The following RNF166 variants were observed in gnomAD, a reference collection of about 807,000 sequenced individuals.
RNF166 encodes E3 ubiquitin-protein ligase RNF166.
A neutral mutation model predicts 29.4 loss-of-function variants in RNF166; 19 were observed. The observed-to-expected ratio is 0.65, with a 90% CI of 0.45 to 0.95. The LOEUF (loss-of-function observed/expected upper bound fraction) is 0.95. Among genes scored for constraint, RNF166 ranks in the 40% least tolerant of loss-of-function variants. The pLI is 0.00. For missense variants in RNF166, 347 were observed against 322.1 expected (o/e 1.08, Z -0.59); for synonymous variants, 171 against 134.5 (o/e 1.27, Z -1.88).
rs13556 is a variant in RNF166 at position 88,696,743 on chromosome 16, G to A, written c.*825C>T. 0.25 allele frequency: 98,883 copies of A among 393,998 alleles called. 13,707 individuals are homozygous for A. The highest frequency in any genetic ancestry group is 0.31 in the Non-Finnish European group (62,363 of 201,540). The allele number at this position is 393,998 out of a possible 1,614,324, so 24.4% of individuals were successfully genotyped here. Reference sequence around the variant, plus strand: ...AGGAGGCCCCTTCTCTGCCGGCCCCGCCTCTGCTGGGAGCAGCCACAGCCT... The same window carrying A: ...AGGAGGCCCCTTCTCTGCCGGCCCCACCTCTGCTGGGAGCAGCCACAGCCT... On this transcript the variant is annotated 3_prime_UTR_variant, in exon 6 of 6. Coordinates refer to ENST00000312838, the MANE Select transcript of RNF166 (RefSeq NM_178841.4).
chr16:88,702,957 C>G (rs762512613), intron 1 of RNF166: 3 of 985,472 alleles, frequency 3.0e-6, no homozygotes, highest in South Asian at 4.7e-5. Context: ...GCAGGAGAAG[C>G]GGAAGCAGCT....
rs1356746703 is a variant in RNF166 at position 88,699,010 on chromosome 16, C to T, written c.501G>A (p.Lys167=). The T allele has an allele frequency of 4.4e-6, 7 of 1,608,348 alleles. No homozygotes were observed. Among genetic ancestry groups the T allele is most frequent in the South Asian group, 1.1e-5 (1 of 89,990 alleles). ...ARNLDQQELV[K]HCVESHRSDP... ...CGCTGCGGTGGCTTTCCACACAGTG[C>T]TTCACCAGCTCCTGCTGGTCCAGGT... Residue 167 remains lysine, a synonymous_variant, in exon 4 of 6, where the codon AAG becomes AAA. Transcript: ENST00000312838.
intron 1 of RNF166, chr16:88,702,848 CG>C (rs568631217): frequency 3.0e-6 from 3 of 985,398 alleles, no homozygotes; most frequent in Non-Finnish European, 2.4e-6. Flanking sequence ...GGATTTGAGC[CG>C]GGGGGGCCGC....
At chr16:88,701,649 G>A (rs905753970) in intron 1 of RNF166, 1 of 489,582 alleles carries the variant, frequency 2.0e-6, no homozygotes, top group African/African-American at 2.0e-5. Context: ...AGGCCCCTGT[G>A]GTTTCTGGCT....
chr16:88,699,651 G>A lies in RNF166; in HGVS notation c.394C>T (p.Pro132Ser). 6.2e-7 allele frequency: 1 copy of A among 1,613,446 alleles called. No homozygotes were observed. The highest frequency in any genetic ancestry group is 8.5e-7 in the Non-Finnish European group (1 of 1,179,844). Residue 132 changes from proline to serine, a missense_variant, in exon 3 of 6, where the codon CCC becomes TCC. Transcript: ENST00000312838. ...ATAGGCTGTGATGTGGGCACCACGG[G>A]GACGAACTTGGGGCAGTTGGCCATC... is the stretch of plus-strand genomic sequence containing the variant. ...EQMANCPKFV[P>S]VVPTSQPIPS... is the part of the protein sequence containing the mutation.
chr16:88,706,328 CG>C lies in RNF166; in HGVS notation c.-4del, dbSNP rs1425204030. The C allele has an allele frequency of 1.6e-6, 2 of 1,221,224 alleles. No individual in the cohort carries two copies. Among genetic ancestry groups the C allele is most frequent in the Non-Finnish European group, 1.0e-6 (1 of 980,848 alleles). The allele number at this position is 1,221,224 out of a possible 1,614,324, so 75.6% of individuals were successfully genotyped here. Reference sequence around the variant, plus strand: ...ACCAGGCTGCGGAACATAGCCATCCCGGGGCCAGGCCCGCGCCGCCCGCCGC... The same window carrying C: ...ACCAGGCTGCGGAACATAGCCATCCCGGGCCAGGCCCGCGCCGCCCGCCGC... On this transcript the variant is annotated 5_prime_UTR_variant, in exon 1 of 6. Transcript: ENST00000312838.
intron 1 of RNF166, 106 bp from the exon 2 acceptor site, chr16:88,701,524 G>A (rs1910230351): frequency 6.3e-6 from 7 of 1,110,954 alleles, no homozygotes. Context: ...GGTCCACAGG[G>A]GCAGCTCCCC....
intron 1 of RNF166, chr16:88,703,881 A>G (rs1447309298): frequency 1.0e-6 from 1 of 985,460 alleles, no homozygotes; most frequent in Non-Finnish European, 1.2e-6. Context: ...CAGCACCCTC[A>G]GCAAGCCCCA....
At chr16:88,699,553 G>T in intron 3 of RNF166, 67 bp downstream of exon 3, 2 of 1,307,554 alleles carry the variant, frequency 1.5e-6, no homozygotes, top group African/African-American at 1.5e-5. Context: ...ATGGGGCACT[G>T]CGCTTGCTCC....
Position 88,701,193 on chromosome 16 carries a change from G to A in RNF166, c.312+69C>T, listed in dbSNP as rs371770270. 329 of 1,585,606 alleles carry A rather than the reference G, an allele frequency of 2.1e-4. 1 individual carries two copies. In the African/African-American group the frequency reaches 2.5e-3, roughly 12 times the overall value. On this transcript the variant is annotated intron_variant, in intron 2 of 5. Coordinates refer to ENST00000312838, the MANE Select transcript of RNF166 (RefSeq NM_178841.4). ...GAGAGGGCCCCGGCCCCCACCCTCTGCAGAACCCGTGGGCTGAGGCTGCCC... is the reference window on the plus strand; with the variant it reads ...GAGAGGGCCCCGGCCCCCACCCTCTACAGAACCCGTGGGCTGAGGCTGCCC...
chr16:88,699,859 G>A, intron 2 of RNF166, 127 bp from the exon 3 acceptor site: 2 of 624,918 alleles, frequency 3.2e-6, no homozygotes, highest in South Asian at 2.1e-5. Flanking sequence ...CAGCAGCAGG[G>A]GGACCCGGTC....
At chr16:88,702,093 G>A (rs924998491) in intron 1 of RNF166, among the ~76,000 whole-genome samples, 8 of 151,924 alleles carry the variant, frequency 5.3e-5, no homozygotes, top group African/African-American at 1.2e-4. Context: ...CAGACTGAGC[G>A]TCCCACAGCC....
intron 1 of RNF166, chr16:88,703,034 C>T (rs777426512): frequency 6.6e-5 from 65 of 985,286 alleles, no homozygotes; most frequent in Non-Finnish European, 7.3e-5. Flanking sequence ...GGGCGTTCGG[C>T]CGGGAAGAGG....
At chr16:88,705,275 T>C (rs1189374928) in intron 1 of RNF166, among the ~76,000 whole-genome samples, 2 of 152,226 alleles carry the variant, frequency 1.3e-5, no homozygotes, top group Admixed American at 1.3e-4. Context: ...CAAAATGTTC[T>C]AGAGCCTCCT....
At position 88,699,666 on chromosome 16, in the gene RNF166, A is replaced by C. The variant is rs1446036966; in HGVS notation, c.379T>G (p.Cys127Gly). 1 of 1,613,548 alleles carries C rather than the reference A, an allele frequency of 6.2e-7. No individual in the cohort carries two copies. Among genetic ancestry groups the C allele is most frequent in the Non-Finnish European group, 8.5e-7 (1 of 1,179,908 alleles). ...CLKVQEQMAN[C>G]PKFVPVVPTS... ...GGCACCACGGGGACGAACTTGGGGC[A>C]GTTGGCCATCTGCTCCTGGACCTTC... The change falls in exon 3 of 6, where the codon TGC becomes GGC. Residue 127 changes from cysteine to glycine, a missense_variant. Cys to Gly is a radical substitution (Grantham distance 159). Coordinates refer to ENST00000312838, the MANE Select transcript of RNF166 (RefSeq NM_178841.4).
chr16:88,697,806 G>A (rs1490697164), intron 5 of RNF166, 173 bp from the exon 6 acceptor site: 2 of 585,482 alleles, frequency 3.4e-6, no homozygotes, highest in Non-Finnish European at 6.3e-6. Flanking sequence ...TCCTCTGGGG[G>A]GTGAGAAGGT....
rs375514729 is a variant in RNF166 at position 88,698,950 on chromosome 16, C to T, written c.540+21G>A. Reference sequence around the variant, plus strand: ...CAGGCCTCCCCTGGCGCAGGCGTCGCTTGGGGCAGGCACTGCTCACCACGC... The same window carrying T: ...CAGGCCTCCCCTGGCGCAGGCGTCGTTTGGGGCAGGCACTGCTCACCACGC... On this transcript the variant is annotated intron_variant, in intron 4 of 5. Coordinates refer to ENST00000312838, the MANE Select transcript of RNF166 (RefSeq NM_178841.4). 2.3e-5 allele frequency: 36 copies of T among 1,544,402 alleles called. No homozygotes were observed. The Admixed American group carries it at 6.7e-4, about 29-fold the overall frequency.
At chr16:88,702,189 G>C (rs1025598677) in intron 1 of RNF166, among the ~76,000 whole-genome samples, 15 of 71,912 alleles carry the variant, frequency 2.1e-4, no homozygotes, top group Non-Finnish European at 4.4e-4. Flanking sequence ...CCCTTGGAGG[G>C]GTGCACCACC....
Position 88,697,126 on chromosome 16 carries a change from G to GC in RNF166, c.*441dup, listed in dbSNP as rs1272832510. The GC allele has an allele frequency of 5.9e-6, 1 of 170,730 alleles. No homozygotes were observed. The highest frequency in any genetic ancestry group is 1.3e-5 in the Non-Finnish European group (1 of 79,834). 10.6% of individuals were successfully genotyped at this position (170,730 alleles called of 1,614,324 possible). On this transcript the variant is annotated 3_prime_UTR_variant, in exon 6 of 6. Coordinates refer to ENST00000312838, the MANE Select transcript of RNF166 (RefSeq NM_178841.4). Reference sequence around the variant, plus strand: ...GCCAGGGTTCCTAAGTATCACAAAAGCCAGTACCAAATGCGCAAGGTGGAA... The same window carrying GC: ...GCCAGGGTTCCTAAGTATCACAAAAGCCCAGTACCAAATGCGCAAGGTGGAA...
Sources: gnomAD v4.1 joint callset for allele counts (sites outside exome capture counted in the v4.1 genomes callset) on GRCh38, gnomAD v4.1.1 for gene constraint, MANE v1.5 for transcripts, NCBI Gene and HGNC (gene_info 2026-07-23, HGNC 2026-07-21) for gene names.